RAD51C: variants seen among roughly 807,000 people sequenced by gnomAD.
RAD51C encodes the protein DNA repair protein RAD51 homolog 3.
A neutral mutation model predicts 45.0 loss-of-function variants in RAD51C; 42 were observed. That is an observed-to-expected ratio of 0.93 (90% confidence interval 0.73 to 1.21). The LOEUF is 1.21. Ranked by LOEUF, RAD51C falls within the 50% of genes most tolerant of loss-of-function variation. RAD51C has a pLI of 0.00. For synonymous variants in RAD51C, 172 were observed against 159.8 expected (o/e 1.08, Z -0.58); for missense variants, 474 against 452.2 (o/e 1.05, Z -0.44).
intron 5 of RAD51C, among the ~76,000 whole-genome samples, chr17:58,712,074 C>T (rs1456168368): frequency 6.6e-6 from 1 of 151,696 alleles, no homozygotes; most frequent in Non-Finnish European, 1.5e-5. Context: ...ATTGGCCGGG[C>T]ACGGCGGCTC....
intron 5 of RAD51C, among the ~76,000 whole-genome samples, chr17:58,711,047 A>G (rs1435422375): frequency 6.6e-6 from 1 of 152,192 alleles, no homozygotes; most frequent in East Asian, 1.9e-4. Flanking sequence ...TTGAATTTCC[A>G]ATTTTTTTTG....
rs2143855336 is a variant in RAD51C at position 58,710,002 on chromosome 17, C to T, written c.837+12C>T. 6.2e-7 allele frequency: 1 copy of T among 1,608,026 alleles called. No individual in the cohort carries two copies. Among genetic ancestry groups the T allele is most frequent in the Non-Finnish European group, 8.5e-7 (1 of 1,174,724 alleles). The stretch of plus-strand genomic sequence containing the variant: ...ATCACAGATTAGCTGTAAGTATTAA[C>T]TAGTGAAGAGAGTTTTATAACAAAG... On this transcript the variant is annotated intron_variant, in intron 5 of 8. Transcript: ENST00000337432.
At chr17:58,720,142 G>A (rs62081321) in intron 5 of RAD51C, among the ~76,000 whole-genome samples, 43,821 of 150,862 alleles carry the variant, frequency 0.29, 7,448 homozygotes, top group Middle Eastern at 0.42. Context: ...GGCTGGGCGC[G>A]GTGGCTCACA....
chr17:58,714,605 C>T (rs1429003539), intron 5 of RAD51C, among the ~76,000 whole-genome samples: 5 of 152,144 alleles, frequency 3.3e-5, no homozygotes, highest in Admixed American at 2.6e-4. Flanking sequence ...ACTACAGGCG[C>T]GTGCCACCAT....
At chr17:58,719,874 G>A (rs1263894193) in intron 5 of RAD51C, among the ~76,000 whole-genome samples, 5 of 151,002 alleles carry the variant, frequency 3.3e-5, no homozygotes, top group African/African-American at 1.2e-4. Flanking sequence ...GACTACAGGC[G>A]CCCGCCACCA....
intron 4 of RAD51C, among the ~76,000 whole-genome samples, chr17:58,708,325 G>C (rs1458952815): frequency 1.3e-5 from 2 of 151,560 alleles, no homozygotes; most frequent in African/African-American, 4.9e-5. Context: ...GTGTTTGTTT[G>C]CATATTAATG....
intron 7 of RAD51C, among the ~76,000 whole-genome samples, chr17:58,728,649 C>T (rs1203571443): frequency 2.0e-5 from 3 of 152,052 alleles, no homozygotes; most frequent in Non-Finnish European, 2.9e-5. Flanking sequence ...CCACCTACCT[C>T]GGCCTCCTAA....
At chr17:58,708,829 A>G (rs2143841921) in intron 4 of RAD51C, among the ~76,000 whole-genome samples, 1 of 151,978 alleles carries the variant, frequency 6.6e-6, no homozygotes, top group Middle Eastern at 3.4e-3. Flanking sequence ...CGGCCTCCCA[A>G]AGTGCTGGGA....
intron 7 of RAD51C, among the ~76,000 whole-genome samples, chr17:58,729,893 A>G (rs2049343872): frequency 6.6e-6 from 1 of 151,808 alleles, no homozygotes; most frequent in Non-Finnish European, 1.5e-5. Context: ...CTTAACAAGC[A>G]TGTAAATGCT....
chr17:58,704,913 A>T (rs1376219981), intron 4 of RAD51C, among the ~76,000 whole-genome samples: 1 of 151,434 alleles, frequency 6.6e-6, no homozygotes, highest in Non-Finnish European at 1.5e-5. Flanking sequence ...TTAATTAATT[A>T]ATTTTTTTTT....
chr17:58,700,765 G>A (rs2048187405), intron 3 of RAD51C, among the ~76,000 whole-genome samples: 1 of 152,002 alleles, frequency 6.6e-6, no homozygotes, highest in African/African-American at 2.4e-5. Context: ...ATTGATATGA[G>A]ATTAAATTGT....
intron 3 of RAD51C, among the ~76,000 whole-genome samples, chr17:58,698,698 G>A (rs898283245): frequency 5.9e-5 from 9 of 151,412 alleles, no homozygotes; most frequent in Non-Finnish European, 8.8e-5. Flanking sequence ...CCAGCACTTT[G>A]GGAGGCCGAG....
chr17:58,726,422 G>A (rs913129964), intron 7 of RAD51C, among the ~76,000 whole-genome samples: 5 of 148,910 alleles, frequency 3.4e-5, no homozygotes, highest in African/African-American at 1.2e-4. Flanking sequence ...TAGATTATAT[G>A]TATATATGTG....
At chr17:58,706,348 A>G (rs2048378983) in intron 4 of RAD51C, 1 of 181,888 alleles carries the variant, frequency 5.5e-6, no homozygotes, top group South Asian at 1.0e-4. Context: ...AATCACTTCA[A>G]CGCAGGAGGC....
rs1555591711 is a variant in RAD51C at position 58,692,629 on chromosome 17, G to C, written c.-15G>C. 6.2e-7 allele frequency: 1 copy of C among 1,613,802 alleles called. No individual in the cohort carries two copies. Among genetic ancestry groups the C allele is most frequent in the Non-Finnish European group, 8.5e-7 (1 of 1,180,026 alleles). On this transcript the variant is annotated 5_prime_UTR_variant, in exon 1 of 9. Transcript: ENST00000337432. ...GCGGAGTTTGGCTGCTCCGGGGTTAGCAGGTGAGCCTGCGATGCGCGGGAA... is the reference window on the plus strand; with the variant it reads ...GCGGAGTTTGGCTGCTCCGGGGTTACCAGGTGAGCCTGCGATGCGCGGGAA...
chr17:58,703,351 T>G, intron 4 of RAD51C, 22 bp downstream of exon 4: 1 of 1,602,598 alleles, frequency 6.2e-7, no homozygotes, highest in Middle Eastern at 1.7e-4. Flanking sequence ...ACTACTGAAA[T>G]GTAACTAACC....
At chr17:58,711,126 T>A (rs1326619347) in intron 5 of RAD51C, among the ~76,000 whole-genome samples, 1 of 152,226 alleles carries the variant, frequency 6.6e-6, no homozygotes, top group African/African-American at 2.4e-5. Context: ...TAATTTAGCC[T>A]TTTGTTAATA....
chr17:58,703,465 C>A, intron 4 of RAD51C, 136 bp downstream of exon 4: 1 of 855,874 alleles, frequency 1.2e-6, no homozygotes, highest in Non-Finnish European at 1.8e-6. Flanking sequence ...CCTTGACCTA[C>A]AATTTATTTA....
chr17:58,713,536 C>T (rs905945752), intron 5 of RAD51C, among the ~76,000 whole-genome samples: 3 of 151,864 alleles, frequency 2.0e-5, no homozygotes, highest in Non-Finnish European at 4.4e-5. Flanking sequence ...AGGCTGGGCA[C>T]GGTGGCTCAC....
Sources: gnomAD v4.1 joint callset for allele counts (sites outside exome capture counted in the v4.1 genomes callset) on GRCh38, gnomAD v4.1.1 for gene constraint, MANE v1.5 for transcripts, NCBI Gene and HGNC (gene_info 2026-07-23, HGNC 2026-07-21) for gene names.